ERBB4: variants seen among roughly 807,000 people sequenced by gnomAD.
ERBB4 encodes receptor tyrosine-protein kinase erbB-4.
Under a neutral mutation model 158.0 loss-of-function variants are expected in ERBB4, and 42 were observed. That is an observed-to-expected ratio of 0.27 (90% CI 0.21 to 0.34). The LOEUF is 0.34. ERBB4 is among the 10% of genes least tolerant of loss of function. The pLI, the probability that ERBB4 is intolerant of heterozygous loss-of-function variation, is 1.00. For missense variants in ERBB4, 1,333 were observed against 1,624.1 expected (o/e 0.82, Z 3.08); for synonymous variants, 583 against 558.7 (o/e 1.04, Z -0.61).
intron 2 of ERBB4, among the ~76,000 whole-genome samples, chr2:212,062,477 G>C (rs367881416): frequency 7.6e-6 from 1 of 131,810 alleles, no homozygotes; most frequent in Non-Finnish European, 1.5e-5. Flanking sequence ...GTGCAATCTC[G>C]GCTCACTGCA....
In ERBB4 at chr2:212,185,794, G is replaced by A. The variant is rs181574666; in HGVS notation, c.83-60891C>T. 9.9e-5 allele frequency among the ~76,000 whole-genome samples: 15 copies of A among 152,096 alleles called. No homozygotes were observed. In the East Asian group the frequency reaches 2.3e-3, roughly 24 times the overall value. On this transcript the variant is annotated intron_variant, in intron 1 of 27. Transcript: ENST00000342788. Reference sequence around the variant, plus strand: ...GTGTAGGTATGGGGGACAGGGAGGGGAAGAAAGTTTAATTTACAAATTACA... The same window carrying A: ...GTGTAGGTATGGGGGACAGGGAGGGAAAGAAAGTTTAATTTACAAATTACA...
At chr2:212,526,816 T>A (rs1692474460) in intron 1 of ERBB4, among the ~76,000 whole-genome samples, 1 of 152,098 alleles carries the variant, frequency 6.6e-6, no homozygotes, top group African/African-American at 2.4e-5. Flanking sequence ...ATGTTAATTG[T>A]CTCCCCACCT....
intron 7 of ERBB4, among the ~76,000 whole-genome samples, chr2:211,721,731 T>TA (rs1028060192): frequency 1.4e-4 from 21 of 151,684 alleles, no homozygotes; most frequent in Non-Finnish European, 2.7e-4. Context: ...TAATTTTAGG[T>TA]AAAAATCCAT....
intron 1 of ERBB4, among the ~76,000 whole-genome samples, chr2:212,162,546 A>G (rs1353617027): frequency 1.3e-5 from 2 of 151,934 alleles, no homozygotes; most frequent in Non-Finnish European, 2.9e-5. Flanking sequence ...AGATTTGTAC[A>G]ATAAATTGTA....
At chr2:211,516,034 C>A (rs1386034889) in intron 20 of ERBB4, among the ~76,000 whole-genome samples, 1 of 149,342 alleles carries the variant, frequency 6.7e-6, no homozygotes, top group African/African-American at 2.5e-5. Context: ...CCTGCCTCAG[C>A]CTCCTGAGTA....
At chr2:212,434,345 C>T (rs1004448995) in intron 1 of ERBB4, among the ~76,000 whole-genome samples, 8 of 151,896 alleles carry the variant, frequency 5.3e-5, no homozygotes, top group Non-Finnish European at 4.4e-5. Flanking sequence ...AAATATTTTT[C>T]CCTAAAGTAT....
chr2:212,428,372 T>G (rs2091959426), intron 1 of ERBB4, among the ~76,000 whole-genome samples: 1 of 152,178 alleles, frequency 6.6e-6, no homozygotes, highest in Non-Finnish European at 1.5e-5. Flanking sequence ...TATATTTCCT[T>G]GCCTCATTGG....
At chr2:212,409,266 A>G (rs190097777) in intron 1 of ERBB4, among the ~76,000 whole-genome samples, 8 of 152,228 alleles carry the variant, frequency 5.3e-5, no homozygotes, top group Non-Finnish European at 1.2e-4. Context: ...GTCCATTTTA[A>G]TCCCTGTTTA....
At chr2:212,399,275 A>G (rs1030387997) in intron 1 of ERBB4, among the ~76,000 whole-genome samples, 1 of 151,914 alleles carries the variant, frequency 6.6e-6, no homozygotes, top group Non-Finnish European at 1.5e-5. Flanking sequence ...CTATATTAAG[A>G]TCTATATTAT....
rs2062547099 is a variant in ERBB4, at chr2:211,379,959, C to G, written c.*3656G>C. Reference sequence around the variant, plus strand: ...CACACAGTCCTTTTCTTGATTTTTCCTTAGCATTGTAAGTATGCACAATCT... The same window carrying G: ...CACACAGTCCTTTTCTTGATTTTTCGTTAGCATTGTAAGTATGCACAATCT... On this transcript the variant is annotated 3_prime_UTR_variant, in exon 28 of 28. Coordinates refer to ENST00000342788, the MANE Select transcript of ERBB4 (RefSeq NM_005235.3). The G allele has an allele frequency of 8.6e-6, 2 of 231,782 alleles. No individual in the cohort carries two copies. Among genetic ancestry groups the G allele is most frequent in the African/African-American group, 2.2e-5 (1 of 45,192 alleles). 14.4% of individuals were successfully genotyped at this position (231,782 alleles called of 1,614,324 possible). A position where few individuals can be genotyped will look rare whatever the true frequency, so the allele number is the denominator to read the frequency against.
chr2:211,944,826 T>C (rs1004407195), intron 3 of ERBB4, among the ~76,000 whole-genome samples: 1 of 152,090 alleles, frequency 6.6e-6, no homozygotes, highest in African/African-American at 2.4e-5. Flanking sequence ...AGGATTTGCA[T>C]TTCTAAGTTC....
intron 17 of ERBB4, 102 bp from the exon 18 acceptor site, chr2:211,624,146 A>C (rs3215298): frequency 1.9e-5 from 15 of 788,264 alleles, no homozygotes; most frequent in South Asian, 4.8e-5. Context: ...TCTTACAAAG[A>C]AAAACACACC....
intron 1 of ERBB4, among the ~76,000 whole-genome samples, chr2:212,243,692 G>T (rs1258307290): frequency 1.3e-5 from 2 of 151,970 alleles, no homozygotes; most frequent in East Asian, 1.9e-4. Flanking sequence ...AGTTCTGGGG[G>T]TCATATCCCA....
intron 20 of ERBB4, among the ~76,000 whole-genome samples, chr2:211,470,608 G>T (rs6726567): frequency 0.72 from 109,620 of 152,008 alleles, 40,103 homozygotes; most frequent in South Asian, 0.83. Context: ...AACATCAGTG[G>T]ATTTTAGAGA....
At chr2:211,615,318 C>A (rs1462633881) in intron 19 of ERBB4, among the ~76,000 whole-genome samples, 1 of 151,078 alleles carries the variant, frequency 6.6e-6, no homozygotes, top group African/African-American at 2.4e-5. Context: ...GTGTTCTGCA[C>A]CATTTTGTGG....
intron 25 of ERBB4, among the ~76,000 whole-genome samples, chr2:211,417,513 T>TAACA (rs1559146884): frequency 6.6e-6 from 1 of 151,994 alleles, no homozygotes; most frequent in Non-Finnish European, 1.5e-5. Context: ...AAAGTATATC[T>TAACA]AACAATAGTA....
intron 2 of ERBB4, among the ~76,000 whole-genome samples, chr2:211,953,881 A>T (rs1485901508): frequency 6.6e-6 from 1 of 151,998 alleles, no homozygotes; most frequent in Admixed American, 6.6e-5. Flanking sequence ...TTTAAAAATG[A>T]CAACAAATTT....
At chr2:212,109,105 T>G (rs1196116455) in intron 2 of ERBB4, among the ~76,000 whole-genome samples, 6 of 152,102 alleles carry the variant, frequency 3.9e-5, no homozygotes, top group African/African-American at 1.4e-4. Context: ...TAAGAAACAC[T>G]CAGGGAGGGG....
At chr2:212,504,026 T>C (rs1691046432) in intron 1 of ERBB4, among the ~76,000 whole-genome samples, 1 of 152,188 alleles carries the variant, frequency 6.6e-6, no homozygotes, top group Non-Finnish European at 1.5e-5. Context: ...TAACATCCAG[T>C]TCCAAAATTA....
Sources: gnomAD v4.1 joint callset for allele counts (sites outside exome capture counted in the v4.1 genomes callset) on GRCh38, gnomAD v4.1.1 for gene constraint, MANE v1.5 for transcripts, NCBI Gene and HGNC (gene_info 2026-07-23, HGNC 2026-07-21) for gene names.